PRRT4: variants seen among roughly 807,000 people sequenced by gnomAD.
PRRT4 encodes proline rich transmembrane protein 4.
In PRRT4, 59 loss-of-function variants were observed where a neutral mutation model predicts 55.6. The ratio of observed to expected loss-of-function variants is 1.06; its 90% CI spans 0.86 to 1.32. The LOEUF is 1.32. PRRT4 is among the 40% of genes most tolerant of loss of function. PRRT4 has a pLI of 0.00. For missense variants in PRRT4, 1,217 were observed against 1,222.0 expected (o/e 1.00, Z 0.06); for synonymous variants, 606 against 601.8 (o/e 1.01, Z -0.10).
At chr7:128,350,873 C>T (rs1796941703) in exon 5 of PRRT4, 3 of 1,550,986 alleles carry the variant, frequency 1.9e-6, no homozygotes, top group Middle Eastern at 1.7e-4. Context: ...TCTATGGTGT[C>T]GCTGCCCACG....
exon 5 of PRRT4, chr7:128,351,469 C>T (rs1422580427): frequency 6.6e-7 from 1 of 1,520,472 alleles, no homozygotes; most frequent in African/African-American, 1.4e-5. Context: ...GCCTTCGAAG[C>T]CCCGGCAACC....
rs780918520 is a variant in PRRT4, at chr7:128,359,659, A to G, written c.333T>C (p.Thr111=). The G allele has an allele frequency of 9.7e-6, 15 of 1,550,098 alleles. No individual in the cohort carries two copies. The African/African-American group carries it at 2.1e-4, about 21-fold the overall frequency. The change falls in exon 2 of 5, where the codon ACT becomes ACC. Residue 111 remains threonine, a synonymous_variant. Coordinates refer to ENST00000535159, the Ensembl canonical transcript of PRRT4. Reference sequence around the variant, plus strand: ...AGCCACCTTCGGTGGAGCCCCACTCAGTGAGAGAGTTCCCTGAGGAGCCCA... The same window carrying G: ...AGCCACCTTCGGTGGAGCCCCACTCGGTGAGAGAGTTCCCTGAGGAGCCCA...
At chr7:128,354,636 TAAAC>T (rs1326067710) in intron 4 of PRRT4, among the ~76,000 whole-genome samples, 5 of 149,474 alleles carry the variant, frequency 3.3e-5, no homozygotes, top group Non-Finnish European at 5.9e-5. Context: ...GCGTAAAAGA[TAAAC>T]AAAAAACATA....
At chr7:128,360,934 C>T (rs909730650) in intron 1 of PRRT4, among the ~76,000 whole-genome samples, 2 of 151,874 alleles carry the variant, frequency 1.3e-5, no homozygotes, top group Admixed American at 1.3e-4. Flanking sequence ...CCACATCTAG[C>T]GCCCGTGACA....
chr7:128,352,118 C>T, exon 5 of PRRT4: 2 of 1,167,886 alleles, frequency 1.7e-6, no homozygotes, highest in Non-Finnish European at 2.1e-6. Context: ...AGGGCGGCGG[C>T]GGCCGCCAGC....
exon 5 of PRRT4, chr7:128,352,397 G>A (rs1172990869): frequency 6.6e-7 from 1 of 1,524,540 alleles, no homozygotes; most frequent in Non-Finnish European, 8.8e-7. Flanking sequence ...CAGGGCAAGA[G>A]GGCCAGAGCC....
Position 128,358,529 on chromosome 7 carries a change from A to T in PRRT4, c.877+152T>A, listed in dbSNP as rs1164006390. 1.3e-5 allele frequency among the ~76,000 whole-genome samples: 2 copies of T among 152,244 alleles called. No homozygotes were observed. Among genetic ancestry groups the T allele is most frequent in the African/African-American group, 4.8e-5 (2 of 41,460 alleles). On this transcript the variant is annotated intron_variant, in intron 4 of 4. Transcript: ENST00000535159. This position sits in a 1 kb window ranked among gnomAD's most constrained non-coding sequence, Gnocchi z 4.4. ...CTCCAGCAATACTTTCTCTCAGACC[A>T]TTCATATATATCTCCACGGTGATGA...
chr7:128,360,008 G>A (rs752779916), exon 2 of PRRT4: 32 of 1,305,426 alleles, frequency 2.5e-5, no homozygotes, highest in Admixed American at 3.8e-5. Flanking sequence ...ACCTGGCTTC[G>A]GGTGGCCTTG....
In PRRT4 at chr7:128,352,137, C is replaced by G. The variant is rs1796997817; in HGVS notation, c.1419G>C (p.Leu473=). ...CGGCGGCGGCCGCCAGCCCCAGCCC[C>G]AGGAGCAGCAGCGCAGCCAGGCCGG... The change falls in exon 5 of 5, where the codon CTG becomes CTC. Residue 473 remains leucine, a synonymous_variant. Transcript: ENST00000535159. 1.0e-5 allele frequency: 13 copies of G among 1,296,056 alleles called. No homozygotes were observed. In the Admixed American group the frequency reaches 1.7e-4, roughly 17 times the overall value. The allele number at this position is 1,296,056 out of a possible 1,614,324, so 80.3% of individuals were successfully genotyped here.
chr7:128,356,621 GC>G (rs1797116562), intron 4 of PRRT4, among the ~76,000 whole-genome samples: 2 of 152,364 alleles, frequency 1.3e-5, no homozygotes, highest in Non-Finnish European at 2.9e-5. Flanking sequence ...GGCCCTGTGG[GC>G]CCTCTTGACC....
intron 1 of PRRT4, among the ~76,000 whole-genome samples, chr7:128,360,667 C>T (rs359644): frequency 2.0e-5 from 3 of 152,148 alleles, no homozygotes; most frequent in African/African-American, 7.2e-5. Flanking sequence ...ACCCTCCCTC[C>T]CGCCCCTCCC....
exon 5 of PRRT4, chr7:128,352,536 C>T (rs1429025243): frequency 3.9e-6 from 6 of 1,544,106 alleles, no homozygotes; most frequent in African/African-American, 1.4e-5. Context: ...AGAGGGGCCT[C>T]GGCGCCTCGG....
rs375091041 is a variant in PRRT4, at chr7:128,359,949, C to T, written c.43G>A (p.Val15Ile). 1.0e-4 allele frequency: 149 copies of T among 1,439,542 alleles called. No homozygotes were observed. Among genetic ancestry groups the T allele is most frequent in the South Asian group, 7.9e-4 (52 of 66,164 alleles). The allele number at this position is 1,439,542 out of a possible 1,614,324, so 89.2% of individuals were successfully genotyped here. ...GGGCCCACAGTAGCAGCAAACAGGA[C>T]GCAGCAGAACAGTCCCAGCCCTAGA... The change falls in exon 2 of 5, where the codon GTC becomes ATC. Residue 15 changes from valine (V) to isoleucine (I), a missense_variant. Physicochemically the swap from Val to Ile is conservative, Grantham distance 29. Coordinates refer to ENST00000535159, the Ensembl canonical transcript of PRRT4.
intron 4 of PRRT4, among the ~76,000 whole-genome samples, chr7:128,356,653 A>C (rs572752157): frequency 6.6e-6 from 1 of 152,288 alleles, no homozygotes; most frequent in South Asian, 2.1e-4. Context: ...GGAGGAGAGG[A>C]GATATCAATG....
chr7:128,352,619 G>A (rs1439701184), exon 5 of PRRT4: 1 of 1,541,660 alleles, frequency 6.5e-7, no homozygotes, highest in Non-Finnish European at 8.7e-7. Flanking sequence ...TGCCCCGAAG[G>A]GTTCCCGAGG....
intron 1 of PRRT4, among the ~76,000 whole-genome samples, chr7:128,360,882 A>T (rs1164851531): frequency 1.3e-5 from 2 of 151,920 alleles, no homozygotes; most frequent in Admixed American, 6.6e-5. Context: ...AGGGTGAGCC[A>T]GGGACACACA....
chr7:128,353,940 T>C (rs868285075), intron 4 of PRRT4, among the ~76,000 whole-genome samples: 11 of 152,144 alleles, frequency 7.2e-5, no homozygotes, highest in Non-Finnish European at 1.3e-4. Context: ...AGAGAAGAGT[T>C]GGGTAGAGTT....
exon 5 of PRRT4, chr7:128,352,519 A>G (rs1400541863): frequency 6.5e-7 from 1 of 1,543,424 alleles, no homozygotes; most frequent in African/African-American, 1.4e-5. Flanking sequence ...CTCCAGGGTC[A>G]GGAAAAAGAG....
At chr7:128,351,417 G>A in exon 5 of PRRT4, 2 of 1,532,384 alleles carry the variant, frequency 1.3e-6, no homozygotes, top group African/African-American at 1.4e-5. Context: ...TGTAATCGCT[G>A]CAGGGAGAGG....
Sources: allele counts gnomAD v4.1 joint callset (sites outside exome capture counted in the v4.1 genomes callset), GRCh38; gene constraint gnomAD v4.1.1; non-coding constraint Gnocchi (gnomAD v3.1); transcripts MANE v1.5; gene names NCBI Gene and HGNC (gene_info 2026-07-23, HGNC 2026-07-21).